PDHX: variants seen among roughly 807,000 people sequenced by gnomAD.
PDHX encodes the protein pyruvate dehydrogenase complex component X.
A neutral mutation model predicts 55.3 loss-of-function variants in PDHX; 33 were observed. The observed-to-expected ratio is 0.60, with a 90% CI of 0.45 to 0.80. The LOEUF (loss-of-function observed/expected upper bound fraction) is 0.80, where lower values mean the gene tolerates loss of function less well. Among genes scored for constraint, PDHX ranks in the 30% least tolerant of loss-of-function variants. The pLI, the probability that PDHX is intolerant of heterozygous loss-of-function variation, is 0.00. For synonymous variants in PDHX, 226 were observed against 219.4 expected, an observed-to-expected ratio of 1.03 and a Z score of -0.27; for missense variants, 622 against 619.9, an observed-to-expected ratio of 1.00 and a Z score of -0.04.
At chr11:34,943,908 AC>A (rs1325060935) in intron 2 of PDHX, among the ~76,000 whole-genome samples, 2 of 151,992 alleles carry the variant, frequency 1.3e-5, no homozygotes, top group Non-Finnish European at 2.9e-5. Context: ...AAGCATCCTG[AC>A]CTCACCTTAT....
At chr11:34,990,751 A>G (rs569502749) in intron 9 of PDHX, among the ~76,000 whole-genome samples, 1 of 152,324 alleles carries the variant, frequency 6.6e-6, no homozygotes, top group East Asian at 1.9e-4. Context: ...AAATAACCAC[A>G]TCCAAATAGC....
chr11:34,916,980 T>C (rs965833297), intron 1 of PDHX, among the ~76,000 whole-genome samples, 165 bp downstream of exon 1: 2 of 152,132 alleles, frequency 1.3e-5, no homozygotes, highest in African/African-American at 2.4e-5. Context: ...TAATGCATGC[T>C]GTGAAGGGCT....
intron 7 of PDHX, among the ~76,000 whole-genome samples, chr11:34,974,304 A>C (rs572423028): frequency 6.6e-6 from 1 of 152,258 alleles, no homozygotes; most frequent in East Asian, 1.9e-4. Flanking sequence ...ACTTGGCATT[A>C]TGTCTTCAGG....
At chr11:34,952,613 C>T (rs374008268) in intron 3 of PDHX, among the ~76,000 whole-genome samples, 11 of 151,834 alleles carry the variant, frequency 7.2e-5, no homozygotes, top group Admixed American at 6.6e-4. Context: ...CAATAGATGC[C>T]GAAAAGGCCT....
chr11:34,951,201 C>T (rs1467023342), intron 3 of PDHX, among the ~76,000 whole-genome samples: 7 of 151,770 alleles, frequency 4.6e-5, no homozygotes, highest in African/African-American at 7.3e-5. Context: ...GGACTACAGG[C>T]GCCCGCCATC....
At chr11:34,972,343 G>C (rs1383037353) in intron 7 of PDHX, among the ~76,000 whole-genome samples, 1 of 150,646 alleles carries the variant, frequency 6.6e-6, no homozygotes, top group Non-Finnish European at 1.5e-5. Context: ...TAAGCATATA[G>C]TACTCTTGAA....
intron 3 of PDHX, among the ~76,000 whole-genome samples, chr11:34,947,885 T>A (rs1031334805): frequency 1.3e-5 from 2 of 152,208 alleles, no homozygotes; most frequent in Non-Finnish European, 2.9e-5. Context: ...GAGCTACATA[T>A]GGTAGAAACA....
chr11:34,956,314 G>A (rs1854905032), intron 3 of PDHX, among the ~76,000 whole-genome samples: 1 of 151,988 alleles, frequency 6.6e-6, no homozygotes, highest in African/African-American at 2.4e-5. Context: ...CCTTATTAAC[G>A]ATAGTGAACA....
At chr11:34,992,960 G>A (rs1018224235) in intron 10 of PDHX, among the ~76,000 whole-genome samples, 2 of 152,072 alleles carry the variant, frequency 1.3e-5, no homozygotes, top group Non-Finnish European at 2.9e-5. Flanking sequence ...CTCCACCAAC[G>A]GTCCTGAGAA....
Position 34,940,092 on chromosome 11 carries a change from G to C in PDHX, c.242-7414G>C, listed in dbSNP as rs989294441. Reference sequence around the variant, plus strand: ...GTTCTCCTTTTGTAAGAGAATATTTGAGGTTATGAAAAACCTTGTTTTTTT... The same window carrying C: ...GTTCTCCTTTTGTAAGAGAATATTTCAGGTTATGAAAAACCTTGTTTTTTT... On this transcript the variant is annotated intron_variant, in intron 2 of 10. Transcript: ENST00000227868. Among the ~76,000 whole-genome samples, 4 of 152,168 alleles carry C rather than the reference G, an allele frequency of 2.6e-5. No homozygotes were observed. In the South Asian group the frequency reaches 8.3e-4, roughly 32 times the overall value.
At chr11:34,977,366 T>G (rs1010694569) in intron 7 of PDHX, among the ~76,000 whole-genome samples, 1 of 152,202 alleles carries the variant, frequency 6.6e-6, no homozygotes, top group Non-Finnish European at 1.5e-5. Flanking sequence ...ATACTTTAGT[T>G]ATGATCAGCT....
rs2134009585 is a variant in PDHX, at chr11:34,996,098, A to G, written c.*926A>G. The stretch of plus-strand genomic sequence containing the variant: ...ATTGTATTTTAAATGTTAAAACACA[A>G]AAGTTCAATAAACCTTGAAGTTGAT... On this transcript the variant is annotated 3_prime_UTR_variant, in exon 11 of 11. Coordinates refer to ENST00000227868, the MANE Select transcript of PDHX (RefSeq NM_003477.3). 6.6e-6 allele frequency: 1 copy of G among 152,224 alleles called. No homozygotes were observed. The highest frequency in any genetic ancestry group is 1.9e-4 in the East Asian group (1 of 5,200). 9.4% of individuals were successfully genotyped at this position (152,224 alleles called of 1,614,324 possible).
chr11:34,985,809 G>A (rs1163399109), intron 9 of PDHX, among the ~76,000 whole-genome samples: 1 of 152,186 alleles, frequency 6.6e-6, no homozygotes, highest in South Asian at 2.1e-4. Flanking sequence ...GTACATAAAT[G>A]TGTAGACCTT....
At chr11:34,945,367 C>A (rs1195959893) in intron 2 of PDHX, among the ~76,000 whole-genome samples, 1 of 152,128 alleles carries the variant, frequency 6.6e-6, no homozygotes, top group Admixed American at 6.5e-5. Context: ...CCATCTGCTT[C>A]CACTTTTCTT....
At chr11:34,986,390 T>A (rs1244097938) in intron 9 of PDHX, among the ~76,000 whole-genome samples, 1 of 151,868 alleles carries the variant, frequency 6.6e-6, no homozygotes, top group African/African-American at 2.4e-5. Flanking sequence ...TACTGAGATA[T>A]AGTATGTTCC....
chr11:34,990,217 A>G (rs1388883972), intron 9 of PDHX, among the ~76,000 whole-genome samples: 1 of 152,202 alleles, frequency 6.6e-6, no homozygotes, highest in Non-Finnish European at 1.5e-5. Flanking sequence ...ATAAGTACCC[A>G]GTAAATTTTT....
chr11:34,933,713 A>G (rs545440998), intron 2 of PDHX, among the ~76,000 whole-genome samples: 2 of 152,228 alleles, frequency 1.3e-5, no homozygotes, highest in Admixed American at 1.3e-4. Flanking sequence ...AGCTACTTGC[A>G]GGCCTAGGGC....
At chr11:34,960,902 A>G (rs1290026726) in intron 5 of PDHX, among the ~76,000 whole-genome samples, 1 of 152,192 alleles carries the variant, frequency 6.6e-6, no homozygotes, top group Non-Finnish European at 1.5e-5. Context: ...TTTGAATTTT[A>G]TTCACTTGTG....
chr11:34,916,215 G>A, upstream of PDHX: 2 of 1,607,010 alleles, frequency 1.2e-6, no homozygotes, highest in Non-Finnish European at 8.5e-7. Flanking sequence ...GGCACCGGTG[G>A]CCCCGCCCCT....
Sources: gnomAD v4.1 joint callset for allele counts (sites outside exome capture counted in the v4.1 genomes callset) on GRCh38, gnomAD v4.1.1 for gene constraint, MANE v1.5 for transcripts, NCBI Gene and HGNC (gene_info 2026-07-23, HGNC 2026-07-21) for gene names.